Variants in GRM5 observed in about 807,000 individuals in gnomAD.
GRM5 encodes metabotropic glutamate receptor 5.
A neutral mutation model predicts 83.1 loss-of-function variants in GRM5; 19 were observed. The ratio of observed to expected loss-of-function variants is 0.23; its 90% CI spans 0.16 to 0.34. The LOEUF (loss-of-function observed/expected upper bound fraction) is 0.34, where lower values mean the gene tolerates loss of function less well. GRM5 is among the 10% of genes least tolerant of loss of function. The probability of loss-of-function intolerance (pLI) is 1.00; values close to 1 mark genes in which losing one functional copy is unlikely to be tolerated. For synonymous variants in GRM5, 675 were observed against 633.6 expected, an observed-to-expected ratio of 1.07 and a Z score of -0.98; for missense variants, 1,160 against 1,588.3, an observed-to-expected ratio of 0.73 and a Z score of 4.58.
chr11:88,662,506 TTCAA>T (rs776612777), intron 3 of GRM5, among the ~76,000 whole-genome samples: 31 of 152,258 alleles, frequency 2.0e-4, no homozygotes, highest in Middle Eastern at 6.8e-3. Flanking sequence ...CTCTTAGTTA[TTCAA>T]TCAAACACTC....
At chr11:88,954,980 G>A (rs1938564391) in intron 2 of GRM5, among the ~76,000 whole-genome samples, 1 of 152,168 alleles carries the variant, frequency 6.6e-6, no homozygotes, top group African/African-American at 2.4e-5. Context: ...AATACATGGG[G>A]ATACTTTCCC....
chr11:88,777,101 C>T (rs1942870931), intron 3 of GRM5, among the ~76,000 whole-genome samples: 1 of 152,172 alleles, frequency 6.6e-6, no homozygotes, highest in East Asian at 1.9e-4. Context: ...TTGGTCTTTT[C>T]ACATAGTCCC....
chr11:88,630,765 A>G (rs1938946182), intron 4 of GRM5, among the ~76,000 whole-genome samples: 1 of 152,014 alleles, frequency 6.6e-6, no homozygotes. Context: ...TTTAGTAGAG[A>G]CGGGGTTTCT....
At chr11:88,768,204 T>C (rs979447733) in intron 3 of GRM5, among the ~76,000 whole-genome samples, 1 of 152,004 alleles carries the variant, frequency 6.6e-6, no homozygotes, top group Admixed American at 6.6e-5. Context: ...TGCCCACTGA[T>C]GGATGGACGG....
At chr11:88,909,287 AG>A (rs1410997558) in intron 2 of GRM5, among the ~76,000 whole-genome samples, 3 of 152,056 alleles carry the variant, frequency 2.0e-5, no homozygotes, top group African/African-American at 7.2e-5. Context: ...TCGTACATGT[AG>A]TATATTAGCA....
intron 3 of GRM5, among the ~76,000 whole-genome samples, chr11:88,681,565 C>CTTTTTTTTTTTTTTTTTTT (rs796854617): frequency 0.025 from 642 of 25,410 alleles, 242 homozygotes; most frequent in Non-Finnish European, 0.036. Flanking sequence ...TGAGTTCTTC[C>CTTTTTTTTTTTTTTTTTTT]TTTTTTTTTT....
chr11:88,947,975 G>A (rs1307441586), intron 2 of GRM5, among the ~76,000 whole-genome samples: 1 of 152,110 alleles, frequency 6.6e-6, no homozygotes, highest in African/African-American at 2.4e-5. Flanking sequence ...CAAATGTGAT[G>A]AGCAGAAACA....
intron 3 of GRM5, among the ~76,000 whole-genome samples, chr11:88,813,956 T>TAA (rs11404971): frequency 5.3e-5 from 8 of 150,884 alleles, no homozygotes; most frequent in Admixed American, 3.3e-4. Context: ...ATTCAAAAGA[T>TAA]AAAAAAAAAC....
chr11:88,706,261 A>G (rs562976304), intron 3 of GRM5, among the ~76,000 whole-genome samples: 1 of 152,028 alleles, frequency 6.6e-6, no homozygotes, highest in Non-Finnish European at 1.5e-5. Flanking sequence ...TTGTGTTACC[A>G]TTCCCAGAAG....
rs996335091 is a variant in GRM5 at position 88,973,101 on chromosome 11, A to T, written c.661+74111T>A. 2.1e-4 allele frequency among the ~76,000 whole-genome samples: 32 copies of T among 152,186 alleles called. 1 individual carries two copies. The highest frequency in any genetic ancestry group is 1.6e-4 in the Non-Finnish European group (11 of 68,018). On this transcript the variant is annotated intron_variant, in intron 2 of 9. Transcript: ENST00000305447. ...TAAAACCACTGATTATGGATTGGCT[A>T]GTGGGCCTAAAAAGGGTATATCTGG...
intron 2 of GRM5, among the ~76,000 whole-genome samples, chr11:88,983,764 C>T (rs1159073788): frequency 1.3e-5 from 2 of 152,052 alleles, no homozygotes; most frequent in East Asian, 1.9e-4. Flanking sequence ...TCTATCAGGA[C>T]GTATTCCAGA....
chr11:88,785,202 T>A (rs1352073886), intron 3 of GRM5, among the ~76,000 whole-genome samples: 1 of 152,094 alleles, frequency 6.6e-6, no homozygotes, highest in Non-Finnish European at 1.5e-5. Context: ...GGTTACTTAG[T>A]AACATTAAAA....
chr11:88,687,566 T>TGTATATAATATATATATAATATATATA (rs1940670752), intron 3 of GRM5, among the ~76,000 whole-genome samples: 1 of 17,778 alleles, frequency 5.6e-5, no homozygotes, highest in African/African-American at 2.7e-4. Flanking sequence ...ATATATTATA[T>TGTATATAATATATATATAATATATATA]ATATATATAT....
At chr11:88,695,311 A>G (rs1417414619) in intron 3 of GRM5, among the ~76,000 whole-genome samples, 1 of 152,206 alleles carries the variant, frequency 6.6e-6, no homozygotes, top group Non-Finnish European at 1.5e-5. Flanking sequence ...TTGCTTGATC[A>G]TTTCTTAACC....
At chr11:88,928,464 GTATA>G (rs61573444) in intron 2 of GRM5, among the ~76,000 whole-genome samples, 3,934 of 115,736 alleles carry the variant, frequency 0.034, 67 homozygotes, top group East Asian at 0.1. Context: ...GTGTGTGTGT[GTATA>G]TATATATATA....
intron 3 of GRM5, among the ~76,000 whole-genome samples, chr11:88,723,635 C>T (rs1941602804): frequency 6.6e-6 from 1 of 151,996 alleles, no homozygotes; most frequent in Non-Finnish European, 1.5e-5. Context: ...AACACTCAAG[C>T]AACTAGATAA....
intron 4 of GRM5, among the ~76,000 whole-genome samples, chr11:88,649,082 A>G (rs113312007): frequency 6.9e-6 from 1 of 144,686 alleles, no homozygotes; most frequent in Non-Finnish European, 1.5e-5. Context: ...TATATAATAC[A>G]TATATTAAAA....
At chr11:88,569,106 A>G (rs1437280716) in intron 7 of GRM5, among the ~76,000 whole-genome samples, 1 of 152,218 alleles carries the variant, frequency 6.6e-6, no homozygotes, top group Non-Finnish European at 1.5e-5. Flanking sequence ...ATTTACACAC[A>G]TATATAAAAT....
At chr11:88,653,058 T>C in intron 4 of GRM5, 110 bp downstream of exon 4, 2 of 687,346 alleles carry the variant, frequency 2.9e-6, no homozygotes. Context: ...ACTCTACTTA[T>C]GTAAGAGTCC....
Sources: allele counts gnomAD v4.1 joint callset (sites outside exome capture counted in the v4.1 genomes callset), GRCh38; gene constraint gnomAD v4.1.1; transcripts MANE v1.5; gene names NCBI Gene and HGNC (gene_info 2026-07-23, HGNC 2026-07-21).